Variants in BTG4 observed in about 807,000 individuals in gnomAD.
BTG4 encodes the protein protein BTG4.
A neutral mutation model predicts 19.3 loss-of-function variants in BTG4; 10 were observed. The ratio of observed to expected loss-of-function variants is 0.52; its 90% CI spans 0.32 to 0.88. The LOEUF (loss-of-function observed/expected upper bound fraction) is 0.88. BTG4 is among the 40% of genes least tolerant of loss of function. The probability of loss-of-function intolerance (pLI) is 0.04; values close to 1 mark genes in which losing one functional copy is unlikely to be tolerated. For missense variants in BTG4, 238 were observed against 281.9 expected, an observed-to-expected ratio of 0.84 and a Z score of 1.11; for synonymous variants, 91 against 95.7, an observed-to-expected ratio of 0.95 and a Z score of 0.29.
chr11:111,477,316 T>C (rs1021901175), intron 5 of BTG4, among the ~76,000 whole-genome samples: 1 of 152,160 alleles, frequency 6.6e-6, no homozygotes, highest in African/African-American at 2.4e-5. Context: ...ATCGACATTC[T>C]AGTTATCTGT....
chr11:111,514,219 C>T (rs28528341), upstream of BTG4: 11,595 of 158,198 alleles, frequency 0.073, 807 homozygotes, highest in African/African-American at 0.18. Flanking sequence ...TGCACTTACA[C>T]TTTAAATCCA....
the BTG4 span, chr11:111,434,979 G>A: frequency 2.0e-5 from 3 of 152,306 alleles, no homozygotes; most frequent in Non-Finnish European, 4.4e-5. Flanking sequence ...AGCCTCTAAA[G>A]TTCAGACCTC....
At chr11:111,502,024 T>C (rs939716909) in intron 1 of BTG4, among the ~76,000 whole-genome samples, 1 of 152,206 alleles carries the variant, frequency 6.6e-6, no homozygotes, top group Non-Finnish European at 1.5e-5. Flanking sequence ...CTGTCCATGA[T>C]GTAGTTGTCA....
At chr11:111,428,658 C>T in the BTG4 span, among the ~76,000 whole-genome samples, 2 of 152,224 alleles carry the variant, frequency 1.3e-5, no homozygotes, top group Non-Finnish European at 2.9e-5. Context: ...GGTCCTATCT[C>T]TGAACTTCTC....
the BTG4 span, among the ~76,000 whole-genome samples, chr11:111,438,705 T>C: frequency 6.6e-6 from 1 of 152,232 alleles, no homozygotes; most frequent in Non-Finnish European, 1.5e-5. Flanking sequence ...CAAGTCCTTA[T>C]TCTGAATGGC....
At chr11:111,488,458 T>A (rs1437787941) in intron 5 of BTG4, among the ~76,000 whole-genome samples, 1 of 152,164 alleles carries the variant, frequency 6.6e-6, no homozygotes, top group Non-Finnish European at 1.5e-5. Flanking sequence ...TAAAGATGGA[T>A]TAAGAACTTA....
At chr11:111,454,405 T>A in the BTG4 span, 1 of 432,024 alleles carries the variant, frequency 2.3e-6, no homozygotes, top group Non-Finnish European at 4.6e-6. Context: ...TGGAGGAACA[T>A]GTGGGGCTAG....
chr11:111,476,504 A>G (rs1389001091), intron 5 of BTG4, among the ~76,000 whole-genome samples: 3 of 152,176 alleles, frequency 2.0e-5, no homozygotes, highest in Non-Finnish European at 4.4e-5. Context: ...GCTATCAGGA[A>G]CTTCTGCTCA....
chr11:111,425,345 A>G, the BTG4 span, among the ~76,000 whole-genome samples: 1 of 152,132 alleles, frequency 6.6e-6, no homozygotes, highest in Non-Finnish European at 1.5e-5. Context: ...AAACACATAC[A>G]CAAAAGACAC....
downstream of BTG4, among the ~76,000 whole-genome samples, chr11:111,466,346 A>G (rs1468966228): frequency 6.6e-6 from 1 of 152,216 alleles, no homozygotes; most frequent in Non-Finnish European, 1.5e-5. Flanking sequence ...CCGTACAGAT[A>G]TTGTAGGGAA....
chr11:111,432,572 A>G, the BTG4 span, among the ~76,000 whole-genome samples: 1 of 152,178 alleles, frequency 6.6e-6, no homozygotes, highest in Admixed American at 6.5e-5. Flanking sequence ...AGAACCCAGG[A>G]GGCAGAGGTT....
chr11:111,432,900 C>G, the BTG4 span, among the ~76,000 whole-genome samples: 1 of 151,724 alleles, frequency 6.6e-6, no homozygotes, highest in Non-Finnish European at 1.5e-5. Flanking sequence ...GTATGTTGCC[C>G]AGGCTGGTCT....
chr11:111,406,882 A>C, the BTG4 span, among the ~76,000 whole-genome samples: 2 of 152,182 alleles, frequency 1.3e-5, no homozygotes, highest in African/African-American at 4.8e-5. Flanking sequence ...AGCAAAGCCC[A>C]TGTACAACAA....
downstream of BTG4, among the ~76,000 whole-genome samples, chr11:111,462,615 T>C (rs1471980468): frequency 6.6e-6 from 1 of 152,242 alleles, no homozygotes; most frequent in African/African-American, 2.4e-5. Flanking sequence ...TATTGTCTTT[T>C]CTTCTCCTCC....
chr11:111,481,106 G>A (rs1864713854), intron 5 of BTG4, among the ~76,000 whole-genome samples: 1 of 151,654 alleles, frequency 6.6e-6, no homozygotes, highest in Non-Finnish European at 1.5e-5. Context: ...ATGAATGTAG[G>A]GATACCACTG....
the BTG4 span, among the ~76,000 whole-genome samples, chr11:111,447,394 TG>T: frequency 2.6e-5 from 4 of 152,306 alleles, no homozygotes; most frequent in African/African-American, 7.2e-5. Context: ...TAAAACCATA[TG>T]GGTCTCTGAA....
the BTG4 span, among the ~76,000 whole-genome samples, chr11:111,410,064 A>C: frequency 1.3e-5 from 2 of 152,342 alleles, no homozygotes; most frequent in East Asian, 3.9e-4. Context: ...AAGTCAGAAG[A>C]CATAGTTCCA....
At chr11:111,386,987 T>C in the BTG4 span, among the ~76,000 whole-genome samples, 5 of 152,374 alleles carry the variant, frequency 3.3e-5, no homozygotes, top group East Asian at 5.8e-4. Flanking sequence ...GCTAGCAGTG[T>C]GGCCTTGGTC....
the BTG4 span, among the ~76,000 whole-genome samples, chr11:111,410,395 TG>T: frequency 2.0e-5 from 3 of 152,172 alleles, no homozygotes; most frequent in African/African-American, 7.2e-5. Flanking sequence ...ATCCAACCCA[TG>T]AGCCCTCTAG....
Sources: gnomAD v4.1 joint callset for allele counts (sites outside exome capture counted in the v4.1 genomes callset) on GRCh38, gnomAD v4.1.1 for gene constraint, MANE v1.5 for transcripts, NCBI Gene and HGNC (gene_info 2026-07-23, HGNC 2026-07-21) for gene names.